The following VPS13B variants were observed in gnomAD, a reference collection of about 807,000 sequenced individuals.
VPS13B encodes intermembrane lipid transfer protein VPS13B.
VPS13B carries 285 observed loss-of-function variants against 426.4 expected under a neutral mutation model. That is an observed-to-expected ratio of 0.67 (90% CI 0.61 to 0.74). The LOEUF (loss-of-function observed/expected upper bound fraction) is 0.74. Among genes scored for constraint, VPS13B ranks in the 30% least tolerant of loss-of-function variants. The probability of loss-of-function intolerance (pLI) is 0.00; values close to 1 mark genes in which losing one functional copy is unlikely to be tolerated. For synonymous variants in VPS13B, 1,676 were observed against 1,676.4 expected, an observed-to-expected ratio of 1.00 and a Z score of 0.01; for missense variants, 4,537 against 4,782.6, an observed-to-expected ratio of 0.95 and a Z score of 1.51.
intron 43 of VPS13B, among the ~76,000 whole-genome samples, chr8:99,793,283 AT>A (rs1475946052): frequency 5.5e-5 from 8 of 145,426 alleles, no homozygotes; most frequent in African/African-American, 1.8e-4. Context: ...ATATATATAT[AT>A]AAAATACATG....
At chr8:99,310,392 A>C (rs370820536) in intron 19 of VPS13B, among the ~76,000 whole-genome samples, 1 of 152,350 alleles carries the variant, frequency 6.6e-6, no homozygotes, top group Non-Finnish European at 1.5e-5. Flanking sequence ...TTTTTTAAGC[A>C]TGAATGCCTA....
chr8:99,341,193 C>A, intron 19 of VPS13B: 1 of 209,006 alleles, frequency 4.8e-6, no homozygotes. Flanking sequence ...CAAGGCCTCT[C>A]ACTGGCTGAA....
chr8:99,296,873 TC>T (rs952209032), intron 19 of VPS13B, among the ~76,000 whole-genome samples: 1 of 152,190 alleles, frequency 6.6e-6, no homozygotes, highest in African/African-American at 2.4e-5. Context: ...GATCTTGGAC[TC>T]CCTAGGTTCC....
intron 40 of VPS13B, among the ~76,000 whole-genome samples, chr8:99,771,986 A>G (rs1298977989): frequency 3.3e-5 from 5 of 152,114 alleles, no homozygotes; most frequent in Non-Finnish European, 7.4e-5. Context: ...TTTTTTCCCC[A>G]GGTTTGCTTT....
intron 39 of VPS13B, among the ~76,000 whole-genome samples, chr8:99,738,996 C>T (rs972192157): frequency 4.6e-5 from 7 of 152,172 alleles, no homozygotes; most frequent in Admixed American, 1.3e-4. Flanking sequence ...GGGTGCAGCG[C>T]ATTGAGCCTG....
At chr8:99,825,631 A>C (rs1814639503) in intron 51 of VPS13B, among the ~76,000 whole-genome samples, 1 of 152,160 alleles carries the variant, frequency 6.6e-6, no homozygotes, top group Admixed American at 6.5e-5. Context: ...TGTTTTAGTC[A>C]TGAAGTCTTT....
intron 33 of VPS13B, among the ~76,000 whole-genome samples, chr8:99,606,190 C>G (rs372335649): frequency 1.3e-5 from 2 of 151,998 alleles, no homozygotes; most frequent in South Asian, 2.1e-4. Context: ...ATAGGCATGT[C>G]CAGCAGCCCG....
intron 13 of VPS13B, among the ~76,000 whole-genome samples, chr8:99,146,543 T>C (rs933560931): frequency 5.9e-5 from 9 of 152,214 alleles, no homozygotes; most frequent in African/African-American, 2.2e-4. Context: ...CATTTACATA[T>C]ATCTCTAATG....
intron 2 of VPS13B, among the ~76,000 whole-genome samples, chr8:99,034,725 T>C (rs937016087): frequency 6.6e-5 from 10 of 152,240 alleles, no homozygotes; most frequent in African/African-American, 1.9e-4. Context: ...TGTGACCCTA[T>C]GCTAGCCTTA....
At chr8:99,829,915 A>G (rs919491750) in intron 51 of VPS13B, among the ~76,000 whole-genome samples, 3 of 152,172 alleles carry the variant, frequency 2.0e-5, no homozygotes, top group Non-Finnish European at 4.4e-5. Flanking sequence ...TTGCCTGGAT[A>G]TCACCAGCAG....
chr8:99,710,557 T>C (rs183322670), intron 36 of VPS13B, among the ~76,000 whole-genome samples: 3 of 152,130 alleles, frequency 2.0e-5, no homozygotes, highest in Non-Finnish European at 4.4e-5. Flanking sequence ...CAGAGTGAAA[T>C]AAAGGGGAAA....
chr8:99,265,892 C>T (rs1344753828), intron 17 of VPS13B, among the ~76,000 whole-genome samples: 2 of 152,160 alleles, frequency 1.3e-5, no homozygotes, highest in African/African-American at 2.4e-5. Context: ...GATGATAGCT[C>T]TTGCTTGTTT....
At chr8:99,343,602 T>C (rs934882683) in intron 19 of VPS13B, among the ~76,000 whole-genome samples, 1 of 152,152 alleles carries the variant, frequency 6.6e-6, no homozygotes, top group Non-Finnish European at 1.5e-5. Context: ...AGTTGCAGAA[T>C]ACAAAATCAA....
At chr8:99,757,212 C>T (rs1810685773) in intron 39 of VPS13B, among the ~76,000 whole-genome samples, 1 of 152,140 alleles carries the variant, frequency 6.6e-6, no homozygotes, top group South Asian at 2.1e-4. Context: ...AGAGAGTATC[C>T]TCTGCTGTAA....
intron 33 of VPS13B, among the ~76,000 whole-genome samples, chr8:99,641,167 TA>T (rs1352978373): frequency 6.6e-6 from 1 of 152,238 alleles, no homozygotes; most frequent in Non-Finnish European, 1.5e-5. Flanking sequence ...CTCAAGGGTT[TA>T]AATTACTTAA....
Position 99,819,521 on chromosome 8 carries a change from T to C in VPS13B, c.8731T>C (p.Phe2911Leu), listed in dbSNP as rs1180886021. 1 of 1,613,794 alleles carries C rather than the reference T, an allele frequency of 6.2e-7. No homozygotes were observed. Among genetic ancestry groups the C allele is most frequent in the Non-Finnish European group, 8.5e-7 (1 of 1,179,908 alleles). ...GGTVNQILDE[F>L]YGPEKSLQPI... ...CACAGTTAATCAGATCCTTGACGAA[T>C]TCTATGGGCCAGAAAAGTCGCTTCA... Residue 2911 changes from phenylalanine (F) to leucine (L), a missense_variant, in exon 48 of 62, where the codon TTC (phenylalanine) becomes CTC (leucine). This residue lies in a region of VPS13B where 4,311 missense variants were observed against 4,474.3 expected (regional missense o/e 0.96). Coordinates refer to ENST00000357162, the MANE Select transcript of VPS13B (RefSeq NM_152564.5).
At chr8:99,119,080 G>A (rs1207589854) in intron 7 of VPS13B, among the ~76,000 whole-genome samples, 1 of 152,064 alleles carries the variant, frequency 6.6e-6, no homozygotes, top group Non-Finnish European at 1.5e-5. Context: ...GGATGAGTGT[G>A]TTGTGGTATC....
chr8:99,327,210 C>T (rs1007097153), intron 19 of VPS13B, among the ~76,000 whole-genome samples: 12 of 152,110 alleles, frequency 7.9e-5, no homozygotes, highest in African/African-American at 2.7e-4. Context: ...TGCAGTCAAC[C>T]TAATTGGGTA....
intron 58 of VPS13B, among the ~76,000 whole-genome samples, chr8:99,863,466 T>C (rs921022639): frequency 3.9e-5 from 6 of 152,052 alleles, no homozygotes; most frequent in African/African-American, 1.4e-4. Flanking sequence ...CCAGCCCTTA[T>C]AGGAGCTTCT....
Sources: gnomAD v4.1 joint callset for allele counts (sites outside exome capture counted in the v4.1 genomes callset) on GRCh38, gnomAD v4.1.1 for gene constraint, gnomAD v4.1.1 regional missense constraint, MANE v1.5 for transcripts, NCBI Gene and HGNC (gene_info 2026-07-23, HGNC 2026-07-21) for gene names.